HEMK2: variants seen among roughly 807,000 people sequenced by gnomAD.
HEMK2 encodes HemK methyltransferase 2, ETF1 glutamine and histone H4 lysine, also known as methyltransferase HEMK2.
the HEMK2 span, among the ~76,000 whole-genome samples, chr21:28,863,396 T>A: frequency 7.8e-6 from 1 of 128,522 alleles, no homozygotes; most frequent in Non-Finnish European, 1.6e-5. Flanking sequence ...AGTTAATACT[T>A]AATAAACTCC....
At chr21:28,585,342 TAAA>T in the HEMK2 span, among the ~76,000 whole-genome samples, 1 of 147,500 alleles carries the variant, frequency 6.8e-6, no homozygotes, top group African/African-American at 2.6e-5. Flanking sequence ...AATAAATAAA[TAAA>T]TAAATAAATA....
the HEMK2 span, among the ~76,000 whole-genome samples, chr21:28,750,010 C>G: frequency 6.6e-6 from 1 of 152,190 alleles, no homozygotes; most frequent in African/African-American, 2.4e-5. Context: ...TCTAATTGAA[C>G]AGGCCAATGC....
At chr21:28,755,209 T>C in the HEMK2 span, among the ~76,000 whole-genome samples, 1 of 152,154 alleles carries the variant, frequency 6.6e-6, no homozygotes, top group Non-Finnish European at 1.5e-5. Context: ...TGTACTACAG[T>C]GCGGTAGACT....
the HEMK2 span, among the ~76,000 whole-genome samples, chr21:28,698,903 A>G: frequency 1.3e-5 from 2 of 152,224 alleles, no homozygotes; most frequent in South Asian, 4.1e-4. Flanking sequence ...TACCCCGACC[A>G]AACCCCACAT....
chr21:28,876,253 G>C, the HEMK2 span: 2 of 544,818 alleles, frequency 3.7e-6, no homozygotes, highest in Non-Finnish European at 6.5e-6. Flanking sequence ...GACTGAAAGG[G>C]AATGTTCCAC....
At chr21:28,694,867 G>A in the HEMK2 span, among the ~76,000 whole-genome samples, 1 of 151,970 alleles carries the variant, frequency 6.6e-6, no homozygotes, top group Admixed American at 6.6e-5. Context: ...GCGTGGTGGC[G>A]GGCGCCTATA....
At chr21:28,707,012 T>A in the HEMK2 span, among the ~76,000 whole-genome samples, 4 of 152,192 alleles carry the variant, frequency 2.6e-5, no homozygotes, top group African/African-American at 9.6e-5. Flanking sequence ...TTCTCTAAAG[T>A]CTAGCAGTTC....
the HEMK2 span, among the ~76,000 whole-genome samples, chr21:28,657,949 C>A: frequency 6.6e-6 from 1 of 151,972 alleles, no homozygotes; most frequent in African/African-American, 2.4e-5. Flanking sequence ...AAAATTAATT[C>A]TTAAAATACC....
chr21:28,819,467 T>G, the HEMK2 span, among the ~76,000 whole-genome samples: 1 of 152,012 alleles, frequency 6.6e-6, no homozygotes, highest in Non-Finnish European at 1.5e-5. Context: ...GGGCAATCTT[T>G]TGGCTTACTG....
At chr21:28,651,425 G>A in the HEMK2 span, among the ~76,000 whole-genome samples, 1 of 152,024 alleles carries the variant, frequency 6.6e-6, no homozygotes, top group Non-Finnish European at 1.5e-5. Context: ...TAAATGTGAT[G>A]GTAGTTTATC....
chr21:28,748,023 C>T, the HEMK2 span, among the ~76,000 whole-genome samples: 1 of 152,200 alleles, frequency 6.6e-6, no homozygotes, highest in Admixed American at 6.5e-5. Context: ...AACAGAACAG[C>T]AAATACCACA....
At chr21:28,809,781 A>C in the HEMK2 span, among the ~76,000 whole-genome samples, 1 of 152,220 alleles carries the variant, frequency 6.6e-6, no homozygotes, top group Non-Finnish European at 1.5e-5. Flanking sequence ...AAAAACTCAC[A>C]ATAAATATAT....
the HEMK2 span, among the ~76,000 whole-genome samples, chr21:28,814,073 T>TAA: frequency 6.6e-6 from 1 of 151,862 alleles, no homozygotes; most frequent in Non-Finnish European, 1.5e-5. Context: ...CCATCTCTAA[T>TAA]AAAAATACAA....
the HEMK2 span, among the ~76,000 whole-genome samples, chr21:28,769,504 T>G: frequency 6.6e-6 from 1 of 152,090 alleles, no homozygotes; most frequent in South Asian, 2.1e-4. Context: ...TTCACTGTCT[T>G]TTCTACTCCA....
the HEMK2 span, among the ~76,000 whole-genome samples, chr21:28,692,428 A>C: frequency 2.6e-5 from 4 of 152,152 alleles, no homozygotes; most frequent in Admixed American, 2.6e-4. Flanking sequence ...CTATCCTAGG[A>C]ATATATATAC....
At chr21:28,689,453 GGTAA>G in the HEMK2 span, among the ~76,000 whole-genome samples, 1 of 151,234 alleles carries the variant, frequency 6.6e-6, no homozygotes, top group Non-Finnish European at 1.5e-5. Context: ...AAGTACCTTT[GGTAA>G]GTATCTTTCA....
the HEMK2 span, among the ~76,000 whole-genome samples, chr21:28,816,558 G>C: frequency 6.6e-6 from 1 of 152,264 alleles, no homozygotes; most frequent in Admixed American, 6.5e-5. Flanking sequence ...GCATACGCTT[G>C]TAGTCCCAGC....
At chr21:28,806,357 CTT>C in the HEMK2 span, among the ~76,000 whole-genome samples, 1 of 152,170 alleles carries the variant, frequency 6.6e-6, no homozygotes, top group Non-Finnish European at 1.5e-5. Context: ...ATGACTGTAA[CTT>C]AAGGATATTC....
chr21:28,687,462 T>C, the HEMK2 span, among the ~76,000 whole-genome samples: 194 of 152,332 alleles, frequency 1.3e-3, 1 homozygote, highest in African/African-American at 4.4e-3. Context: ...GTGATATACA[T>C]TTTTATATCA....
Sources: allele counts gnomAD v4.1 joint callset (sites outside exome capture counted in the v4.1 genomes callset), GRCh38; gene constraint gnomAD v4.1.1; transcripts MANE v1.5; gene names NCBI Gene and HGNC (gene_info 2026-07-23, HGNC 2026-07-21).